GMDS: variants seen among roughly 807,000 people sequenced by gnomAD.
The protein encoded by GMDS is GDP-mannose 4,6-dehydratase, also known as GDP-mannose 4,6 dehydratase.
GMDS carries 20 observed loss-of-function variants against 49.9 expected under a neutral mutation model. The observed-to-expected ratio is 0.40, with a 90% CI of 0.28 to 0.58. The LOEUF (loss-of-function observed/expected upper bound fraction) is 0.58. Ranked by LOEUF, GMDS falls within the 20% of genes least tolerant of loss-of-function variation. The probability of loss-of-function intolerance (pLI) is 0.42; values close to 1 mark genes in which losing one functional copy is unlikely to be tolerated. For synonymous variants in GMDS, 177 were observed against 178.6 expected (o/e 0.99, Z 0.07); for missense variants, 362 against 481.4 (o/e 0.75, Z 2.32).
At chr6:2,183,117 A>G (rs1778630166) in intron 1 of GMDS, among the ~76,000 whole-genome samples, 1 of 152,200 alleles carries the variant, frequency 6.6e-6, no homozygotes, top group South Asian at 2.1e-4. Flanking sequence ...GCCTGCTAAC[A>G]CAACATCCAT....
intron 4 of GMDS, among the ~76,000 whole-genome samples, chr6:2,069,658 C>T (rs921944286): frequency 8.5e-4 from 130 of 152,292 alleles, no homozygotes; most frequent in African/African-American, 2.9e-3. Flanking sequence ...CCAAAAAACA[C>T]ATGAAGAAAT....
chr6:1,952,688 T>A (rs1314541478), intron 6 of GMDS, among the ~76,000 whole-genome samples: 2 of 151,600 alleles, frequency 1.3e-5, no homozygotes, highest in South Asian at 2.1e-4. Context: ...AGGAGCAAAG[T>A]TACATATGGC....
chr6:1,662,297 G>A (rs771171823), intron 9 of GMDS, among the ~76,000 whole-genome samples: 26 of 152,168 alleles, frequency 1.7e-4, no homozygotes, highest in Non-Finnish European at 2.8e-4. Flanking sequence ...TGTGGATGAT[G>A]ACAGTGATCC....
chr6:1,713,929 A>G (rs182297371), intron 9 of GMDS, among the ~76,000 whole-genome samples: 231 of 152,372 alleles, frequency 1.5e-3, no homozygotes, highest in African/African-American at 5.4e-3. Flanking sequence ...AGACTATTCT[A>G]GTGCATTTGA....
chr6:2,138,469 T>A (rs1366606199), intron 1 of GMDS, among the ~76,000 whole-genome samples: 1 of 152,206 alleles, frequency 6.6e-6, no homozygotes, highest in African/African-American at 2.4e-5. Context: ...TACAGGCTCA[T>A]ACTCTGTTAA....
chr6:2,087,927 A>G (rs1389279629), intron 4 of GMDS, among the ~76,000 whole-genome samples: 2 of 152,186 alleles, frequency 1.3e-5, no homozygotes, highest in African/African-American at 4.8e-5. Flanking sequence ...TTCTGTTGAC[A>G]TTTTGTTTAT....
chr6:1,679,674 G>C (rs751955067), intron 9 of GMDS: 9 of 152,246 alleles, frequency 5.9e-5, no homozygotes, highest in Non-Finnish European at 1.2e-4. Context: ...TCTGATTACT[G>C]CAAGTTGTTA....
At chr6:1,780,457 A>G (rs9503023) in intron 7 of GMDS, among the ~76,000 whole-genome samples, 17,694 of 152,240 alleles carry the variant, frequency 0.12, 1,159 homozygotes, top group African/African-American at 0.17. Flanking sequence ...GCTTCCTGAG[A>G]GCGCTTCCTC....
At chr6:2,016,519 A>T (rs115322905) in intron 4 of GMDS, among the ~76,000 whole-genome samples, 2,693 of 152,304 alleles carry the variant, frequency 0.018, 88 homozygotes, top group African/African-American at 0.062. Context: ...ATATTTCAAC[A>T]GTTTTATCAG....
chr6:2,210,879 T>C (rs1419928923), intron 1 of GMDS, among the ~76,000 whole-genome samples: 1 of 152,216 alleles, frequency 6.6e-6, no homozygotes, highest in Non-Finnish European at 1.5e-5. Flanking sequence ...TGGTGGGAGA[T>C]AATTGGATCA....
At chr6:1,800,832 T>C (rs1769921221) in intron 7 of GMDS, among the ~76,000 whole-genome samples, 2 of 152,140 alleles carry the variant, frequency 1.3e-5, no homozygotes. Flanking sequence ...AAGAAGTGGA[T>C]GTGATTCTGC....
intron 7 of GMDS, among the ~76,000 whole-genome samples, chr6:1,816,043 C>T (rs1443682054): frequency 2.6e-5 from 4 of 152,228 alleles, no homozygotes; most frequent in Admixed American, 6.5e-5. Context: ...GGGAAGTAAA[C>T]GAGCACGCAT....
At chr6:1,763,449 T>A (rs1462881485) in intron 7 of GMDS, among the ~76,000 whole-genome samples, 1 of 152,158 alleles carries the variant, frequency 6.6e-6, no homozygotes, top group Non-Finnish European at 1.5e-5. Flanking sequence ...TACTGGCAAG[T>A]GATAAATCCC....
At chr6:2,035,801 C>T (rs572727820) in intron 4 of GMDS, among the ~76,000 whole-genome samples, 3 of 152,178 alleles carry the variant, frequency 2.0e-5, no homozygotes, top group African/African-American at 7.2e-5. Flanking sequence ...ATTCTCCCAC[C>T]TCAGCCTCCT....
intron 7 of GMDS, among the ~76,000 whole-genome samples, chr6:1,816,618 A>G (rs1278865031): frequency 3.3e-5 from 5 of 152,216 alleles, no homozygotes; most frequent in African/African-American, 7.2e-5. Context: ...TATAACTCAT[A>G]TAAAAGTAAT....
At chr6:1,911,653 G>T (rs1033086901) in intron 7 of GMDS, among the ~76,000 whole-genome samples, 2 of 151,876 alleles carry the variant, frequency 1.3e-5, no homozygotes, top group African/African-American at 2.4e-5. Context: ...CAAGGGAAAA[G>T]AATTACAGCA....
intron 4 of GMDS, among the ~76,000 whole-genome samples, chr6:2,107,892 G>A (rs1313884315): frequency 6.6e-6 from 1 of 152,150 alleles, no homozygotes; most frequent in Non-Finnish European, 1.5e-5. Flanking sequence ...TCTTTAACAA[G>A]TAAAGCATTC....
chr6:1,837,701 G>A (rs905823647), intron 7 of GMDS, among the ~76,000 whole-genome samples: 1 of 152,192 alleles, frequency 6.6e-6, no homozygotes, highest in South Asian at 2.1e-4. Flanking sequence ...GGGCCAAAGA[G>A]TTAAAGCGAA....
rs565179219 is a variant in GMDS, at chr6:1,937,761, C to CTAA, written c.644-7534_644-7532dup. Among the ~76,000 whole-genome samples, 232 of 152,334 alleles carry CTAA rather than the reference C, an allele frequency of 1.5e-3. 1 individual carries two copies. Among genetic ancestry groups the CTAA allele is most frequent in the African/African-American group, 5.4e-3 (225 of 41,576 alleles). On this transcript the variant is annotated intron_variant, in intron 6 of 10. Coordinates refer to ENST00000380815, the MANE Select transcript of GMDS (RefSeq NM_001500.4). ...GATCCCTTCATCTCAAGATCCTTAA[C>CTAA]TAATTATAACTGCAAAGACCTCATT...
Sources: allele counts gnomAD v4.1 joint callset (sites outside exome capture counted in the v4.1 genomes callset), GRCh38; gene constraint gnomAD v4.1.1; transcripts MANE v1.5; gene names NCBI Gene and HGNC (gene_info 2026-07-23, HGNC 2026-07-21).